Variants in NDC80 observed in about 807,000 individuals in gnomAD.
The protein encoded by NDC80 is NDC80 kinetochore complex component, also known as kinetochore protein NDC80 homolog.
A neutral mutation model predicts 89.3 loss-of-function variants in NDC80; 69 were observed. That is an observed-to-expected ratio of 0.77 (90% CI 0.64 to 0.94). The LOEUF (loss-of-function observed/expected upper bound fraction) is 0.94, where lower values mean the gene tolerates loss of function less well. Among genes scored for constraint, NDC80 ranks in the 40% least tolerant of loss-of-function variants. NDC80 has a pLI of 0.00. For missense variants in NDC80, 593 were observed against 739.6 expected (o/e 0.80, Z 2.30); for synonymous variants, 243 against 255.6 (o/e 0.95, Z 0.47).
chr18:2,592,449 G>A (rs2072632557), intron 10 of NDC80, among the ~76,000 whole-genome samples: 1 of 151,670 alleles, frequency 6.6e-6, no homozygotes, highest in Non-Finnish European at 1.5e-5. Flanking sequence ...CTCGCCTCCG[G>A]GGTTCAAGCA....
chr18:2,580,731 A>ATTTTGTTTTTTTTT (rs2072572870), intron 6 of NDC80, among the ~76,000 whole-genome samples: 1 of 55,418 alleles, frequency 1.8e-5, no homozygotes, highest in East Asian at 9.2e-4. Flanking sequence ...TCACCATCAG[A>ATTTTGTTTTTTTTT]TTTTTTTTTT....
At chr18:2,587,954 T>C in intron 8 of NDC80, 31 bp downstream of exon 8, 2 of 1,569,772 alleles carry the variant, frequency 1.3e-6, no homozygotes, top group Non-Finnish European at 1.8e-6. Context: ...GGTGCTTGCT[T>C]TTGGTCATTT....
intron 15 of NDC80, 142 bp downstream of exon 15, chr18:2,608,972 T>A (rs1448511125): frequency 2.5e-6 from 2 of 811,086 alleles, no homozygotes; most frequent in Non-Finnish European, 3.6e-6. Context: ...AGAACTTAAG[T>A]ACAACTGCTT....
intron 7 of NDC80, among the ~76,000 whole-genome samples, 194 bp downstream of exon 7, chr18:2,585,396 T>G (rs2072598779): frequency 1.3e-5 from 2 of 152,222 alleles, no homozygotes; most frequent in Non-Finnish European, 2.9e-5. Flanking sequence ...ACCTTAAACA[T>G]TCTCAGAACA....
intron 11 of NDC80, 123 bp from the exon 12 acceptor site, chr18:2,598,896 C>A: frequency 2.1e-6 from 2 of 934,910 alleles, no homozygotes. Flanking sequence ...CTAAAGATTA[C>A]TGAATTAGTA....
chr18:2,572,353 G>A (rs2072519953), intron 1 of NDC80, among the ~76,000 whole-genome samples: 1 of 152,156 alleles, frequency 6.6e-6, no homozygotes. Flanking sequence ...AGATGTGAAG[G>A]GAGTGACCTG....
intron 3 of NDC80, chr18:2,577,197 G>A (rs1254872314): frequency 1.3e-5 from 2 of 151,248 alleles, no homozygotes; most frequent in Non-Finnish European, 2.9e-5. Context: ...CTGTGAGAAG[G>A]TACTGATACT....
At chr18:2,587,754 A>C in intron 7 of NDC80, 76 bp from the exon 8 acceptor site, 1 of 1,158,828 alleles carries the variant, frequency 8.6e-7, no homozygotes, top group East Asian at 2.4e-5. Flanking sequence ...TTCAAATATA[A>C]ATTTCCACCT....
chr18:2,604,005 A>T (rs1464394751), intron 13 of NDC80, among the ~76,000 whole-genome samples: 2 of 152,220 alleles, frequency 1.3e-5, no homozygotes, highest in African/African-American at 4.8e-5. Context: ...AGCTAATCAC[A>T]CTTATGAATA....
chr18:2,602,125 C>G lies in NDC80; in HGVS notation c.1464+640C>G, dbSNP rs190924964. 1.2e-3 allele frequency among the ~76,000 whole-genome samples: 178 copies of G among 152,114 alleles called. 1 individual carries two copies. Among genetic ancestry groups the G allele is most frequent in the African/African-American group, 4.2e-3 (173 of 41,510 alleles). The stretch of plus-strand genomic sequence containing the variant: ...GGACACCAAGCAGTTAAAGGAAACC[C>G]CTTGTTAATTCAGCTCTTCAGGAAC... On this transcript the variant is annotated intron_variant, in intron 13 of 16. Coordinates refer to ENST00000261597, the MANE Select transcript of NDC80 (RefSeq NM_006101.3).
chr18:2,597,469 G>A (rs768966654), intron 11 of NDC80, among the ~76,000 whole-genome samples: 3 of 152,152 alleles, frequency 2.0e-5, no homozygotes, highest in Admixed American at 1.3e-4. Flanking sequence ...AGTGGCACAC[G>A]CCTGTAATCC....
chr18:2,611,432 T>C (rs569378085), intron 16 of NDC80, among the ~76,000 whole-genome samples: 3 of 152,368 alleles, frequency 2.0e-5, no homozygotes, highest in African/African-American at 7.2e-5. Flanking sequence ...TGTATAATGA[T>C]GCTATGCCAG....
At chr18:2,614,342 C>A in intron 16 of NDC80, 1 of 158,958 alleles carries the variant, frequency 6.3e-6, no homozygotes, top group Non-Finnish European at 1.4e-5. Flanking sequence ...GAGGCTGAGG[C>A]ACGAGAATCG....
intron 16 of NDC80, among the ~76,000 whole-genome samples, chr18:2,612,991 A>AG (rs2072753452): frequency 6.6e-6 from 1 of 152,192 alleles, no homozygotes; most frequent in Non-Finnish European, 1.5e-5. Context: ...GAAAACAGAG[A>AG]GGGGGGTTTA....
intron 11 of NDC80, 104 bp downstream of exon 11, chr18:2,595,725 G>T: frequency 1.2e-6 from 1 of 833,542 alleles, no homozygotes. Context: ...TGGCTTAAGA[G>T]GTAAAACATT....
intron 8 of NDC80, among the ~76,000 whole-genome samples, 194 bp from the exon 9 acceptor site, chr18:2,589,010 G>A (rs2072614574): frequency 6.6e-6 from 1 of 152,008 alleles, no homozygotes; most frequent in African/African-American, 2.4e-5. Context: ...GAAAAATCAA[G>A]CAGGACAAGG....
Position 2,578,120 on chromosome 18 carries a change from C to T in NDC80, c.455C>T (p.Pro152Leu). ...GACACAAAGTTTGAAGAAGAGGTTC[C>T]AAGAATCTTTAAAGACCTTGGGTAT... ...LPDTKFEEEV[P>L]RIFKDLGYPF... Residue 152 changes from proline (P) to leucine (L), a missense_variant, in exon 5 of 17, where the codon CCA (proline) becomes CTA (leucine). Physicochemically the swap from Pro to Leu is moderately conservative, Grantham distance 98. Coordinates refer to ENST00000261597, the MANE Select transcript of NDC80 (RefSeq NM_006101.3). 6.2e-7 allele frequency: 1 copy of T among 1,613,808 alleles called. No homozygotes were observed. The highest frequency in any genetic ancestry group is 8.5e-7 in the Non-Finnish European group (1 of 1,179,950).
chr18:2,607,998 T>TATATATATATATATATAA (rs771183596), intron 14 of NDC80, among the ~76,000 whole-genome samples: 5 of 126,910 alleles, frequency 3.9e-5, no homozygotes, highest in East Asian at 4.9e-4. Context: ...TATATATATA[T>TATATATATATATATATAA]AACTTATTTA....
intron 13 of NDC80, among the ~76,000 whole-genome samples, chr18:2,604,831 A>C (rs1196119623): frequency 6.6e-6 from 1 of 152,198 alleles, no homozygotes; most frequent in Non-Finnish European, 1.5e-5. Context: ...GTAGAGATCA[A>C]TGAAGATTTA....
Sources: gnomAD v4.1 joint callset for allele counts (sites outside exome capture counted in the v4.1 genomes callset) on GRCh38, gnomAD v4.1.1 for gene constraint, MANE v1.5 for transcripts, NCBI Gene and HGNC (gene_info 2026-07-23, HGNC 2026-07-21) for gene names.